The following ACER2 variants were observed in gnomAD, a reference collection of about 807,000 sequenced individuals.
ACER2 encodes the protein alkaline ceramidase 2, also known as alkCDase 2.
Under a neutral mutation model 34.7 loss-of-function variants are expected in ACER2, and 26 were observed. That is an observed-to-expected ratio of 0.75 (90% confidence interval 0.55 to 1.04). The LOEUF is 1.04. Among genes scored for constraint, ACER2 ranks in the 50% least tolerant of loss-of-function variants. ACER2 has a pLI of 0.00. For synonymous variants in ACER2, 138 were observed against 132.1 expected, an observed-to-expected ratio of 1.04 and a Z score of -0.31; for missense variants, 352 against 340.8, an observed-to-expected ratio of 1.03 and a Z score of -0.26.
rs565552974 is a variant in ACER2 at position 19,409,011 on chromosome 9, C to T, written c.-74C>T. The T allele has an allele frequency of 1.5e-6, 2 of 1,329,792 alleles. No homozygotes were observed. Among genetic ancestry groups the T allele is most frequent in the Admixed American group, 3.0e-5 (1 of 33,716 alleles). 82.4% of individuals were successfully genotyped at this position (1,329,792 alleles called of 1,614,324 possible). On this transcript the variant is annotated 5_prime_UTR_variant, in exon 1 of 6. Coordinates refer to ENST00000340967, the MANE Select transcript of ACER2 (RefSeq NM_001010887.3). The stretch of plus-strand genomic sequence containing the variant: ...AGCCGCTTTCGCCGCTGGCTGTCGC[C>T]GCGTTTTGCCTCCGCAGCAGCTCTG...
Position 19,423,939 on chromosome 9 carries a change from T to A in ACER2, c.186T>A (p.Ser62Arg). 3 of 1,614,134 alleles carry A rather than the reference T, an allele frequency of 1.9e-6. No homozygotes were observed. Among genetic ancestry groups the A allele is most frequent in the Non-Finnish European group, 2.5e-6 (3 of 1,179,962 alleles). The change falls in exon 2 of 6, where the codon AGT becomes AGA. Residue 62 changes from serine (S) to arginine (R), a missense_variant. Coordinates refer to ENST00000340967, the MANE Select transcript of ACER2 (RefSeq NM_001010887.3). The stretch of plus-strand genomic sequence containing the variant: ...GTCAGTATGCAACATGCTTCAACAG[T>A]GGCATCTACTTAATCTGGACTCTTT... ...LFRQYATCFNSGIYLIWTLLV... is the reference protein window; with the variant it reads ...LFRQYATCFNRGIYLIWTLLV...
intron 4 of ACER2, among the ~76,000 whole-genome samples, chr9:19,440,559 C>G (rs1400916918): frequency 6.6e-6 from 1 of 152,168 alleles, no homozygotes; most frequent in Non-Finnish European, 1.5e-5. Flanking sequence ...ATGGCCCTCA[C>G]TAGACACTGA....
intron 1 of ACER2, among the ~76,000 whole-genome samples, chr9:19,417,839 A>G (rs961215022): frequency 6.6e-6 from 1 of 152,236 alleles, no homozygotes; most frequent in Non-Finnish European, 1.5e-5. Flanking sequence ...AATGGGAACA[A>G]AAGCCAAAAT....
chr9:19,433,645 G>A (rs1158913741), intron 3 of ACER2, among the ~76,000 whole-genome samples: 1 of 152,234 alleles, frequency 6.6e-6, no homozygotes, highest in Non-Finnish European at 1.5e-5. Flanking sequence ...TTGTCATCCT[G>A]GCCCGTTCTC....
intron 4 of ACER2, among the ~76,000 whole-genome samples, chr9:19,436,441 TAAATAA>T (rs1483989920): frequency 1.3e-5 from 2 of 152,236 alleles, no homozygotes; most frequent in African/African-American, 4.8e-5. Flanking sequence ...TTTTATGTAC[TAAATAA>T]AAATAAAATA....
Position 19,435,001 on chromosome 9 carries a change from A to G in ACER2, c.420A>G (p.Ala140=), listed in dbSNP as rs149795353. 11 of 1,614,032 alleles carry G rather than the reference A, an allele frequency of 6.8e-6. No homozygotes were observed. Among genetic ancestry groups the G allele is most frequent in the Non-Finnish European group, 2.5e-6 (3 of 1,180,026 alleles). Residue 140 remains alanine, a synonymous_variant, in exon 4 of 6, where the codon GCA becomes GCG. Coordinates refer to ENST00000340967, the MANE Select transcript of ACER2 (RefSeq NM_001010887.3). ...TGTCTGCGGTTACGACGTGCCTGGC[A>G]TTTGTCAAGCCTGCCATCAACAACA... is the stretch of plus-strand genomic sequence containing the variant. ...SVLSAVTTCL[A]FVKPAINNIS...
intron 1 of ACER2, among the ~76,000 whole-genome samples, chr9:19,415,029 C>T (rs1338749154): frequency 6.6e-6 from 1 of 152,060 alleles, no homozygotes; most frequent in Non-Finnish European, 1.5e-5. Context: ...GAAAGTCTCC[C>T]ACTAATTTGT....
rs1831577585 is a variant in ACER2, at chr9:19,451,768, C to G, written c.*1132C>G. The G allele has an allele frequency of 1.3e-5, 2 of 152,166 alleles. No individual in the cohort carries two copies. Among genetic ancestry groups the G allele is most frequent in the South Asian group, 4.1e-4 (2 of 4,824 alleles). 9.4% of individuals were successfully genotyped at this position (152,166 alleles called of 1,614,324 possible). On this transcript the variant is annotated 3_prime_UTR_variant, in exon 6 of 6. Coordinates refer to ENST00000340967, the MANE Select transcript of ACER2 (RefSeq NM_001010887.3). ...GGGGGTTCTGGTTCAAAATTTGGAG[C>G]AAACATGAAGTTTTTGGAAACGTTT...
chr9:19,450,524 C>T lies in ACER2; in HGVS notation c.716C>T (p.Pro239Leu). 6.2e-7 allele frequency: 1 copy of T among 1,612,516 alleles called. No individual in the cohort carries two copies. The highest frequency in any genetic ancestry group is 1.1e-5 in the South Asian group (1 of 90,922). The change falls in exon 6 of 6, where the codon CCT (proline) becomes CTT (leucine). Residue 239 changes from proline (P) to leucine (L), a missense_variant. Coordinates refer to ENST00000340967, the MANE Select transcript of ACER2 (RefSeq NM_001010887.3). ...TACTTTGATGCTGCCTCAGAGATTC[C>T]TGAGCAAGGCCCTGTCATCAAGTTC... is the stretch of plus-strand genomic sequence containing the variant. Reference protein sequence around the residue: ...FAYFDAASEIPEQGPVIKFWP... With the variant: ...FAYFDAASEILEQGPVIKFWP...
Position 19,452,211 on chromosome 9 carries a change from G to A in ACER2, c.*1575G>A, listed in dbSNP as rs1321228223. Among the ~76,000 whole-genome samples the A allele has an allele frequency of 1.3e-5, 2 of 152,290 alleles. No individual in the cohort carries two copies. The highest frequency in any genetic ancestry group is 3.9e-4 in the East Asian group (2 of 5,182). On this transcript the variant is annotated 3_prime_UTR_variant, in exon 6 of 6. Transcript: ENST00000340967. ...TGTTGGGAGAGGGCAGGACAGGTGT[G>A]TTCTTCTGTGGGCAGGAGTCATGTC...
intron 4 of ACER2, among the ~76,000 whole-genome samples, chr9:19,437,028 T>C (rs561824625): frequency 2.8e-4 from 43 of 152,344 alleles, no homozygotes; most frequent in African/African-American, 9.6e-4. Context: ...GCTCCTTTGC[T>C]TCCTAAGGTA....
Position 19,424,168 on chromosome 9 carries a change from C to A in ACER2, c.223+192C>A, listed in dbSNP as rs560914570. On this transcript the variant is annotated intron_variant, in intron 2 of 5. Coordinates refer to ENST00000340967, the MANE Select transcript of ACER2 (RefSeq NM_001010887.3). ...ACAAAGTTGGCATTACTGTCACTTG[C>A]GTGCATTTGAGACTTCATTTGTGTA... Among the ~76,000 whole-genome samples the A allele has an allele frequency of 3.3e-5, 5 of 152,270 alleles. No homozygotes were observed. The South Asian group carries it at 8.3e-4, about 25-fold the overall frequency.
At chr9:19,431,462 G>A (rs1037583510) in intron 3 of ACER2, among the ~76,000 whole-genome samples, 3 of 152,230 alleles carry the variant, frequency 2.0e-5, no homozygotes, top group African/African-American at 7.2e-5. Flanking sequence ...GGTACAGAGA[G>A]GTGACGCACT....
At chr9:19,446,141 T>G in intron 4 of ACER2, 140 bp from the exon 5 acceptor site, 1 of 1,166,278 alleles carries the variant, frequency 8.6e-7, no homozygotes, top group Non-Finnish European at 1.3e-6. Context: ...GACTGTGGAG[T>G]GACTGTGTGT....
At chr9:19,415,382 C>G (rs1830211464) in intron 1 of ACER2, among the ~76,000 whole-genome samples, 1 of 152,014 alleles carries the variant, frequency 6.6e-6, no homozygotes, top group African/African-American at 2.4e-5. Context: ...GTCCCAGCTA[C>G]TTGAGGAGAG....
intron 3 of ACER2, among the ~76,000 whole-genome samples, chr9:19,431,874 A>G (rs1323402292): frequency 6.6e-6 from 1 of 152,226 alleles, no homozygotes; most frequent in Non-Finnish European, 1.5e-5. Context: ...TTTCTTTATA[A>G]TGGAATTTCA....
intron 1 of ACER2, chr9:19,409,970 G>A (rs990178012): frequency 3.1e-6 from 3 of 980,688 alleles, no homozygotes; most frequent in Admixed American, 6.2e-5. Context: ...GGTAGGGAAG[G>A]GTTGCAGCTG....
At chr9:19,435,186 CTTGTG>C in intron 4 of ACER2, 102 bp downstream of exon 4, 5 of 1,404,952 alleles carry the variant, frequency 3.6e-6, no homozygotes, top group Non-Finnish European at 4.8e-6. Context: ...AGTTTTATTC[CTTGTG>C]AAGAGTTAGT....
chr9:19,449,745 AGGTGGGCCT>A (rs1302879270), intron 5 of ACER2, among the ~76,000 whole-genome samples: 1 of 151,914 alleles, frequency 6.6e-6, no homozygotes, highest in Admixed American at 6.6e-5. Flanking sequence ...AAAATTAGCT[AGGTGGGCCT>A]GGTGGTGGGT....
Sources: allele counts gnomAD v4.1 joint callset (sites outside exome capture counted in the v4.1 genomes callset), GRCh38; gene constraint gnomAD v4.1.1; transcripts MANE v1.5; gene names NCBI Gene and HGNC (gene_info 2026-07-23, HGNC 2026-07-21).